The following FRMD4B variants were observed in gnomAD, a reference collection of about 807,000 sequenced individuals.
The protein encoded by FRMD4B is FERM domain-containing protein 4B.
FRMD4B carries 74 observed loss-of-function variants against 141.5 expected under a neutral mutation model. That is an observed-to-expected ratio of 0.52 (90% confidence interval 0.43 to 0.63). The LOEUF is 0.63. Ranked by LOEUF, FRMD4B falls within the 30% of genes least tolerant of loss-of-function variation. FRMD4B has a pLI of 0.00. For synonymous variants in FRMD4B, 506 were observed against 467.9 expected (o/e 1.08, Z -1.05); for missense variants, 1,366 against 1,253.4 (o/e 1.09, Z -1.36).
chr3:69,468,799 A>G (rs1467119440), intron 1 of FRMD4B, among the ~76,000 whole-genome samples: 1 of 152,200 alleles, frequency 6.6e-6, no homozygotes, highest in Admixed American at 6.5e-5. Flanking sequence ...AAGCAAGTCG[A>G]GGGACTGCTC....
At chr3:69,393,757 T>C (rs1704429755) in intron 2 of FRMD4B, among the ~76,000 whole-genome samples, 1 of 152,208 alleles carries the variant, frequency 6.6e-6, no homozygotes, top group African/African-American at 2.4e-5. Flanking sequence ...GCACCATTAT[T>C]TTTTCTAAAT....
intron 1 of FRMD4B, chr3:69,472,600 G>C (rs1705910846): frequency 5.1e-6 from 1 of 196,448 alleles, no homozygotes; most frequent in African/African-American, 2.4e-5. Context: ...CAATGTAGCA[G>C]TGTCTCATAG....
chr3:69,178,071 T>G (rs976739690), intron 21 of FRMD4B, among the ~76,000 whole-genome samples: 1 of 152,186 alleles, frequency 6.6e-6, no homozygotes, highest in African/African-American at 2.4e-5. Context: ...ACTGGGCGTT[T>G]GTTGTCCTCT....
At chr3:69,370,110 C>T (rs1374962824) in intron 1 of FRMD4B, among the ~76,000 whole-genome samples, 1 of 145,268 alleles carries the variant, frequency 6.9e-6, no homozygotes, top group Non-Finnish European at 1.5e-5. Flanking sequence ...GCTTTTGTTC[C>T]TGTTTTTTTT....
At chr3:69,485,803 A>T (rs964538586) in intron 1 of FRMD4B, among the ~76,000 whole-genome samples, 5 of 152,174 alleles carry the variant, frequency 3.3e-5, no homozygotes, top group Non-Finnish European at 5.9e-5. Context: ...CAGCCCCATC[A>T]TGGTGGCCCC....
intron 1 of FRMD4B, among the ~76,000 whole-genome samples, chr3:69,522,587 A>C (rs1394041577): frequency 1.3e-5 from 2 of 152,164 alleles, no homozygotes; most frequent in Non-Finnish European, 2.9e-5. Flanking sequence ...CTATTCCATC[A>C]GGCTTCAGAT....
At chr3:69,263,705 C>G (rs2093542706) in intron 5 of FRMD4B, among the ~76,000 whole-genome samples, 1 of 151,364 alleles carries the variant, frequency 6.6e-6, no homozygotes, top group South Asian at 2.1e-4. Flanking sequence ...AGCCATAGTA[C>G]CCAGCCTATA....
intron 7 of FRMD4B, among the ~76,000 whole-genome samples, chr3:69,234,032 A>C (rs1329050392): frequency 6.6e-6 from 1 of 152,126 alleles, no homozygotes; most frequent in Non-Finnish European, 1.5e-5. Flanking sequence ...AGATCACTTG[A>C]GGTCAGGAGT....
intron 2 of FRMD4B, among the ~76,000 whole-genome samples, chr3:69,428,666 C>A (rs1421891794): frequency 6.6e-6 from 1 of 151,976 alleles, no homozygotes; most frequent in Non-Finnish European, 1.5e-5. Context: ...CTCTTCTTAA[C>A]ATTAAAAAAC....
At chr3:69,201,974 C>T (rs377409276) in intron 11 of FRMD4B, among the ~76,000 whole-genome samples, 208 of 152,216 alleles carry the variant, frequency 1.4e-3, no homozygotes, top group African/African-American at 4.9e-3. Flanking sequence ...GAGGCCGAGG[C>T]GGGTGGATCA....
At chr3:69,409,449 A>G (rs1704716052) in intron 2 of FRMD4B, among the ~76,000 whole-genome samples, 1 of 152,222 alleles carries the variant, frequency 6.6e-6, no homozygotes, top group Non-Finnish European at 1.5e-5. Flanking sequence ...CTGTCCTCAT[A>G]AGGCATCAGG....
intron 2 of FRMD4B, among the ~76,000 whole-genome samples, chr3:69,427,579 T>C (rs1334063838): frequency 6.7e-6 from 1 of 150,286 alleles, no homozygotes; most frequent in Non-Finnish European, 1.5e-5. Context: ...ACTTGTGTTT[T>C]TACACGTAGC....
intron 1 of FRMD4B, among the ~76,000 whole-genome samples, chr3:69,531,700 T>C (rs1293386303): frequency 6.6e-6 from 1 of 152,224 alleles, no homozygotes; most frequent in Non-Finnish European, 1.5e-5. Flanking sequence ...ATCAGCATCA[T>C]TTTCATAGCT....
chr3:69,306,067 T>C (rs934097685), intron 3 of FRMD4B, among the ~76,000 whole-genome samples: 2 of 152,198 alleles, frequency 1.3e-5, no homozygotes, highest in African/African-American at 2.4e-5. Context: ...GAAATAGTTT[T>C]TTAAAAGGAT....
intron 1 of FRMD4B, among the ~76,000 whole-genome samples, chr3:69,361,061 A>G (rs1703457811): frequency 6.6e-6 from 1 of 152,186 alleles, no homozygotes; most frequent in South Asian, 2.1e-4. Flanking sequence ...CAAAATAACG[A>G]GTTGGGTACT....
intron 19 of FRMD4B, 100 bp from the exon 20 acceptor site, chr3:69,182,817 A>AAGGGAAAAT: frequency 8.9e-7 from 1 of 1,122,740 alleles, no homozygotes; most frequent in Non-Finnish European, 1.3e-6. Flanking sequence ...AGCCCAAGGA[A>AAGGGAAAAT]AGGGAAAATA....
intron 3 of FRMD4B, among the ~76,000 whole-genome samples, chr3:69,309,598 AC>A (rs1467253259): frequency 3.6e-5 from 5 of 137,986 alleles, no homozygotes; most frequent in Non-Finnish European, 1.5e-5. Context: ...GTGTCACCAT[AC>A]CTGGCTGATT....
chr3:69,259,365 T>G (rs1559758310), intron 5 of FRMD4B, among the ~76,000 whole-genome samples: 1 of 152,218 alleles, frequency 6.6e-6, no homozygotes, highest in Non-Finnish European at 1.5e-5. Flanking sequence ...GCTCATCTCC[T>G]GCTGTGTGGC....
chr3:69,472,685 T>G (rs1017529565), intron 1 of FRMD4B, among the ~76,000 whole-genome samples: 3 of 151,656 alleles, frequency 2.0e-5, no homozygotes, highest in Non-Finnish European at 4.4e-5. Context: ...ACACCAAGGG[T>G]GAGGTTGGAG....
Sources: allele counts gnomAD v4.1 joint callset (sites outside exome capture counted in the v4.1 genomes callset), GRCh38; gene constraint gnomAD v4.1.1; transcripts MANE v1.5; gene names NCBI Gene and HGNC (gene_info 2026-07-23, HGNC 2026-07-21).